The following DOCK3 variants were observed in gnomAD, a reference collection of about 807,000 sequenced individuals.
DOCK3 encodes the protein dedicator of cytokinesis 3, also known as dedicator of cytokinesis protein 3.
DOCK3 carries 60 observed loss-of-function variants against 265.6 expected under a neutral mutation model. That is an observed-to-expected ratio of 0.23 (90% CI 0.18 to 0.28). DOCK3 has a LOEUF of 0.28. Ranked by LOEUF, DOCK3 falls within the 10% of genes least tolerant of loss-of-function variation. DOCK3 has a pLI of 1.00. For missense variants in DOCK3, 1,981 were observed against 2,594.3 expected (o/e 0.76, Z 5.14); for synonymous variants, 881 against 938.0 (o/e 0.94, Z 1.11).
chr3:51,165,999 A>G (rs1024555326), intron 12 of DOCK3, among the ~76,000 whole-genome samples: 2 of 148,490 alleles, frequency 1.3e-5, no homozygotes, highest in Non-Finnish European at 3.0e-5. Context: ...ATTCTTTATT[A>G]TGTATAATTA....
At chr3:51,183,427 G>T (rs1476555899) in intron 12 of DOCK3, among the ~76,000 whole-genome samples, 2 of 151,986 alleles carry the variant, frequency 1.3e-5, no homozygotes, top group African/African-American at 4.8e-5. Flanking sequence ...GTTGGGGGTG[G>T]GGGGAAGAGT....
intron 5 of DOCK3, among the ~76,000 whole-genome samples, chr3:51,048,216 T>C (rs1471890677): frequency 2.0e-5 from 3 of 151,994 alleles, no homozygotes; most frequent in South Asian, 2.1e-4. Flanking sequence ...AAATTAAGTA[T>C]ACAATGAATG....
At chr3:51,142,748 T>C (rs2085120636) in intron 9 of DOCK3, among the ~76,000 whole-genome samples, 1 of 152,184 alleles carries the variant, frequency 6.6e-6, no homozygotes, top group African/African-American at 2.4e-5. Flanking sequence ...AGGAGGAGAA[T>C]TACTGGGTCA....
chr3:51,353,268 C>A (rs1268005278), intron 40 of DOCK3, among the ~76,000 whole-genome samples: 1 of 152,206 alleles, frequency 6.6e-6, no homozygotes. Context: ...CCTTAACTTT[C>A]TTCCTAGCGT....
Position 50,722,278 on chromosome 3 carries a change from C to CAG in DOCK3, c.37+46990_37+46991dup, listed in dbSNP as rs771829604. 3.8e-4 allele frequency among the ~76,000 whole-genome samples: 58 copies of CAG among 151,978 alleles called. No individual in the cohort carries two copies. The East Asian group carries it at 7.7e-3, about 20-fold the overall frequency. On this transcript the variant is annotated intron_variant, in intron 1 of 52. Transcript: ENST00000266037. ...AAGGCTGGCAGCTGGCTGTGTAAAT[C>CAG]AGAGAGAGAGAGACAAAGAGAAAGA...
intron 21 of DOCK3, among the ~76,000 whole-genome samples, chr3:51,246,232 CTTTTTT>C (rs34878916): frequency 4.4e-4 from 57 of 130,658 alleles, no homozygotes; most frequent in Admixed American, 3.7e-3. Context: ...TTTAGGAAAA[CTTTTTT>C]TTTTTTTTTT....
chr3:50,919,225 A>T (rs2050297900), intron 4 of DOCK3, among the ~76,000 whole-genome samples: 1 of 152,052 alleles, frequency 6.6e-6, no homozygotes, highest in African/African-American at 2.4e-5. Context: ...TTGGCTTAGG[A>T]TTGTCTGGGC....
In DOCK3 at chr3:51,157,105, A is replaced by C. The variant is rs532688646; in HGVS notation, c.829-2139A>C. On this transcript the variant is annotated intron_variant, in intron 10 of 52. Transcript: ENST00000266037. ...GCCTGAAACATCCTTTTTCAATATC[A>C]AACACAACTTTCATGTAAAAATATA... Among the ~76,000 whole-genome samples, 6 of 152,282 alleles carry C rather than the reference A, an allele frequency of 3.9e-5. No individual in the cohort carries two copies. The East Asian group carries it at 9.6e-4, about 24-fold the overall frequency.
At chr3:50,996,504 A>G (rs2078289867) in intron 5 of DOCK3, among the ~76,000 whole-genome samples, 1 of 152,162 alleles carries the variant, frequency 6.6e-6, no homozygotes, top group Non-Finnish European at 1.5e-5. Flanking sequence ...GGTGTGAGTC[A>G]CAGTGCCCGG....
chr3:50,821,290 T>C (rs1365887870), intron 2 of DOCK3, among the ~76,000 whole-genome samples: 2 of 151,970 alleles, frequency 1.3e-5, no homozygotes, highest in African/African-American at 4.8e-5. Flanking sequence ...CTAGGTTTTC[T>C]TCTAGGATTT....
chr3:50,834,455 T>A (rs1338129072), intron 2 of DOCK3, among the ~76,000 whole-genome samples: 1 of 152,128 alleles, frequency 6.6e-6, no homozygotes, highest in African/African-American at 2.4e-5. Context: ...TTTTCATAAT[T>A]TTAGAACACA....
chr3:50,925,009 C>T (rs2108074332), intron 4 of DOCK3, among the ~76,000 whole-genome samples: 2 of 152,308 alleles, frequency 1.3e-5, no homozygotes, highest in African/African-American at 4.8e-5. Flanking sequence ...AGGAGGTTTA[C>T]TAGGGGTGGA....
At chr3:50,934,244 G>A (rs189034700) in intron 5 of DOCK3, among the ~76,000 whole-genome samples, 167 bp downstream of exon 5, 4 of 152,240 alleles carry the variant, frequency 2.6e-5, no homozygotes, top group East Asian at 1.9e-4. Flanking sequence ...TTCAACCTGA[G>A]GAGAACACAT....
At chr3:51,020,307 T>C (rs1347614158) in intron 5 of DOCK3, among the ~76,000 whole-genome samples, 3 of 151,848 alleles carry the variant, frequency 2.0e-5, no homozygotes, top group African/African-American at 7.3e-5. Context: ...GCCCACTTTT[T>C]AGTGGGGTTG....
chr3:50,845,576 G>T (rs1383790086), intron 3 of DOCK3, among the ~76,000 whole-genome samples: 1 of 151,996 alleles, frequency 6.6e-6, no homozygotes, highest in Non-Finnish European at 1.5e-5. Context: ...AGGCAGATTG[G>T]ACCTATATAT....
intron 24 of DOCK3, 133 bp downstream of exon 24, chr3:51,271,140 A>C: frequency 9.3e-7 from 1 of 1,071,748 alleles, no homozygotes; most frequent in Non-Finnish European, 1.3e-6. Flanking sequence ...CCCTTAAGAT[A>C]CAGAATTTTT....
intron 3 of DOCK3, among the ~76,000 whole-genome samples, chr3:50,859,465 C>G (rs569875280): frequency 6.6e-6 from 1 of 152,020 alleles, no homozygotes; most frequent in East Asian, 1.9e-4. Context: ...ATCCACCCCC[C>G]TCGGCCTCCC....
At chr3:51,001,199 G>C (rs1017352027) in intron 5 of DOCK3, among the ~76,000 whole-genome samples, 2 of 152,220 alleles carry the variant, frequency 1.3e-5, no homozygotes, top group African/African-American at 4.8e-5. Flanking sequence ...TTAATAGATT[G>C]AGTAAAGTAT....
intron 19 of DOCK3, among the ~76,000 whole-genome samples, chr3:51,234,249 T>C (rs1228295360): frequency 6.6e-6 from 1 of 152,246 alleles, no homozygotes; most frequent in Non-Finnish European, 1.5e-5. Flanking sequence ...TTAGTGATGA[T>C]GAGCATTTTT....
Sources: gnomAD v4.1 joint callset for allele counts (sites outside exome capture counted in the v4.1 genomes callset) on GRCh38, gnomAD v4.1.1 for gene constraint, MANE v1.5 for transcripts, NCBI Gene and HGNC (gene_info 2026-07-23, HGNC 2026-07-21) for gene names.